The following FBXW8 variants were observed in gnomAD, a reference collection of about 807,000 sequenced individuals.
FBXW8 encodes F-box and WD repeat domain containing 8.
A neutral mutation model predicts 65.3 loss-of-function variants in FBXW8; 57 were observed. The observed-to-expected ratio is 0.87, with a 90% CI of 0.71 to 1.09. The LOEUF is 1.09. Among genes scored for constraint, FBXW8 ranks in the 50% least tolerant of loss-of-function variants. FBXW8 has a pLI of 0.00. For missense variants in FBXW8, 777 were observed against 814.8 expected (o/e 0.95, Z 0.57); for synonymous variants, 308 against 330.2 (o/e 0.93, Z 0.73).
intron 10 of FBXW8, 56 bp downstream of exon 10, chr12:117,027,560 A>ACC: frequency 3.1e-6 from 4 of 1,289,942 alleles, no homozygotes; most frequent in Non-Finnish European, 1.1e-6. Flanking sequence ...GATGTATAGA[A>ACC]CCCCACCCCC....
At chr12:116,992,828 A>G (rs1435569919) in intron 7 of FBXW8, among the ~76,000 whole-genome samples, 1 of 147,288 alleles carries the variant, frequency 6.8e-6, no homozygotes, top group Non-Finnish European at 1.5e-5. Context: ...TCATTGGTTG[A>G]TGGCACTTAG....
intron 8 of FBXW8, 42 bp from the exon 9 acceptor site, chr12:117,024,105 C>G (rs773986498): frequency 2.5e-6 from 4 of 1,596,088 alleles, no homozygotes; most frequent in Non-Finnish European, 3.4e-6. Context: ...AGCTTTGACT[C>G]TAACCCCATT....
At chr12:116,991,015 G>A (rs1953226591) in intron 7 of FBXW8, among the ~76,000 whole-genome samples, 1 of 152,180 alleles carries the variant, frequency 6.6e-6, no homozygotes, top group African/African-American at 2.4e-5. Context: ...GTATAGTCCT[G>A]TAAGCTGGTG....
At chr12:116,996,450 C>G (rs561311147) in intron 7 of FBXW8, among the ~76,000 whole-genome samples, 3 of 152,126 alleles carry the variant, frequency 2.0e-5, no homozygotes, top group African/African-American at 7.2e-5. Flanking sequence ...CCACATTCTC[C>G]CATACCTCCA....
At chr12:116,964,941 C>A in intron 5 of FBXW8, 87 bp downstream of exon 5, 2 of 1,357,460 alleles carry the variant, frequency 1.5e-6, no homozygotes, top group East Asian at 2.4e-5. Flanking sequence ...CCCCTGTAAT[C>A]CCTCCATATG....
intron 6 of FBXW8, chr12:116,985,703 C>T (rs576211374): frequency 3.7e-6 from 1 of 270,554 alleles, no homozygotes; most frequent in South Asian, 8.4e-5. Flanking sequence ...GGTTCCTTGG[C>T]CTTCTTCAGA....
At chr12:116,969,891 C>T (rs1469453622) in intron 5 of FBXW8, among the ~76,000 whole-genome samples, 1 of 152,088 alleles carries the variant, frequency 6.6e-6, no homozygotes, top group Non-Finnish European at 1.5e-5. Context: ...ACCCTCTGGC[C>T]TCATATTTCT....
At chr12:116,930,949 A>G (rs1881721857) in intron 2 of FBXW8, among the ~76,000 whole-genome samples, 1 of 152,206 alleles carries the variant, frequency 6.6e-6, no homozygotes, top group African/African-American at 2.4e-5. Context: ...CTGGGACTAT[A>G]GGCTCACGCC....
intron 7 of FBXW8, among the ~76,000 whole-genome samples, chr12:116,996,427 G>T (rs1200624310): frequency 6.6e-6 from 1 of 151,922 alleles, no homozygotes; most frequent in Non-Finnish European, 1.5e-5. Context: ...AATGCAGTGC[G>T]CATAGATTGT....
intron 2 of FBXW8, among the ~76,000 whole-genome samples, chr12:116,943,694 T>C (rs1022119275): frequency 6.6e-6 from 1 of 152,192 alleles, no homozygotes; most frequent in African/African-American, 2.4e-5. Flanking sequence ...GGCACACACA[T>C]AGCCCTATAC....
At chr12:116,959,996 A>C (rs902868674) in intron 4 of FBXW8, among the ~76,000 whole-genome samples, 1 of 152,206 alleles carries the variant, frequency 6.6e-6, no homozygotes, top group African/African-American at 2.4e-5. Context: ...CTAATTAGAG[A>C]GCCATCAACA....
At chr12:117,023,541 G>A (rs1368747270) in intron 8 of FBXW8, among the ~76,000 whole-genome samples, 2 of 152,102 alleles carry the variant, frequency 1.3e-5, no homozygotes, top group African/African-American at 4.8e-5. Context: ...GGTTCTTAAA[G>A]AAATGGGGAT....
intron 7 of FBXW8, among the ~76,000 whole-genome samples, chr12:117,006,830 A>C (rs927978144): frequency 2.0e-5 from 3 of 152,250 alleles, no homozygotes; most frequent in African/African-American, 7.2e-5. Flanking sequence ...TCTTGAATGA[A>C]TCACAGCATT....
intron 4 of FBXW8, among the ~76,000 whole-genome samples, chr12:116,957,735 T>C (rs1883740860): frequency 1.3e-5 from 2 of 152,232 alleles, no homozygotes; most frequent in Non-Finnish European, 2.9e-5. Flanking sequence ...TGCTAGTTAT[T>C]GTGACATTGG....
chr12:117,013,131 T>G (rs1441855802), intron 8 of FBXW8, among the ~76,000 whole-genome samples: 1 of 152,116 alleles, frequency 6.6e-6, no homozygotes, highest in East Asian at 1.9e-4. Context: ...TAATCCCAGC[T>G]ACTCGGAGGC....
chr12:117,000,054 T>C (rs113226218), intron 7 of FBXW8, among the ~76,000 whole-genome samples: 7,066 of 148,756 alleles, frequency 0.048, 406 homozygotes, highest in African/African-American at 0.14. Context: ...CGATCTCTGC[T>C]CACTGCAAGC....
chr12:116,970,799 T>C (rs1259793201), intron 5 of FBXW8, among the ~76,000 whole-genome samples: 2 of 152,168 alleles, frequency 1.3e-5, no homozygotes, highest in South Asian at 2.1e-4. Flanking sequence ...TGATGGATTG[T>C]GGAGAAGTTG....
At chr12:116,985,744 C>T (rs1439777665) in intron 6 of FBXW8, 4 of 201,944 alleles carry the variant, frequency 2.0e-5, no homozygotes, top group African/African-American at 9.2e-5. Context: ...CCTTGGGAAT[C>T]AAAGATCAGT....
At chr12:116,930,824 T>C (rs542123179) in intron 2 of FBXW8, among the ~76,000 whole-genome samples, 7 of 152,370 alleles carry the variant, frequency 4.6e-5, no homozygotes, top group African/African-American at 1.7e-4. Context: ...ATTTTTTTTA[T>C]TGAGACAGAG....
Sources: gnomAD v4.1 joint callset for allele counts (sites outside exome capture counted in the v4.1 genomes callset) on GRCh38, gnomAD v4.1.1 for gene constraint, MANE v1.5 for transcripts, NCBI Gene and HGNC (gene_info 2026-07-23, HGNC 2026-07-21) for gene names.